The following DNAAF11 variants were observed in gnomAD, a reference collection of about 807,000 sequenced individuals.
DNAAF11 encodes leucine rich repeat containing 6.
DNAAF11 carries 45 observed loss-of-function variants against 60.8 expected under a neutral mutation model. The observed-to-expected ratio is 0.74, with a 90% CI of 0.58 to 0.95. DNAAF11 has a LOEUF of 0.95. Among genes scored for constraint, DNAAF11 ranks in the 40% least tolerant of loss-of-function variants. The probability of loss-of-function intolerance (pLI) is 0.00; values close to 1 mark genes in which losing one functional copy is unlikely to be tolerated. For synonymous variants in DNAAF11, 191 were observed against 183.5 expected (o/e 1.04, Z -0.33); for missense variants, 546 against 546.2 (o/e 1.00, Z 0.00).
intron 4 of DNAAF11, among the ~76,000 whole-genome samples, chr8:132,635,173 T>C (rs1821172566): frequency 6.6e-6 from 1 of 152,164 alleles, no homozygotes; most frequent in Non-Finnish European, 1.5e-5. Flanking sequence ...TGGCCCACAT[T>C]TCCTTCAATC....
chr8:132,591,308 T>C (rs1051832819), intron 10 of DNAAF11, among the ~76,000 whole-genome samples: 33 of 152,166 alleles, frequency 2.2e-4, no homozygotes, highest in African/African-American at 7.9e-4. Flanking sequence ...AACTAGATGG[T>C]TGAAGAAGAG....
chr8:132,582,507 A>G (rs568763452), intron 11 of DNAAF11, among the ~76,000 whole-genome samples: 1 of 152,320 alleles, frequency 6.6e-6, no homozygotes, highest in South Asian at 2.1e-4. Flanking sequence ...CTGGGGGTTA[A>G]TTATGACTGT....
intron 1 of DNAAF11, among the ~76,000 whole-genome samples, chr8:132,673,759 C>T (rs946627967): frequency 6.6e-6 from 1 of 152,116 alleles, no homozygotes; most frequent in Non-Finnish European, 1.5e-5. Flanking sequence ...CTACCCACAC[C>T]CTCAGGGCAC....
At chr8:132,595,966 C>T (rs567712744) in intron 10 of DNAAF11, among the ~76,000 whole-genome samples, 4 of 152,112 alleles carry the variant, frequency 2.6e-5, no homozygotes, top group African/African-American at 9.6e-5. Flanking sequence ...TAGTGGTACC[C>T]GCAAGATGTA....
rs780700603 is a variant in DNAAF11, at chr8:132,675,526, G to A, written c.-33C>T. ...CTCCAGTTCGCTGACCCCGCAAGCC[G>A]GACCCGGACCTCGAATGACGCTTTT... On this transcript the variant is annotated 5_prime_UTR_variant, in exon 1 of 12. Coordinates refer to ENST00000620350, the MANE Select transcript of DNAAF11 (RefSeq NM_012472.6). 5.2e-6 allele frequency: 8 copies of A among 1,551,628 alleles called. No individual in the cohort carries two copies. The East Asian group carries it at 1.5e-4, about 29-fold the overall frequency.
intron 10 of DNAAF11, among the ~76,000 whole-genome samples, chr8:132,595,631 CAA>C (rs1166404736): frequency 3.9e-5 from 6 of 151,916 alleles, no homozygotes; most frequent in Non-Finnish European, 5.9e-5. Flanking sequence ...TGAGCACAGA[CAA>C]AAGACTGAAA....
rs903247364 is a variant in DNAAF11 at position 132,675,524 on chromosome 8, C to G, written c.-31G>C. On this transcript the variant is annotated 5_prime_UTR_variant, in exon 1 of 12. Coordinates refer to ENST00000620350, the MANE Select transcript of DNAAF11 (RefSeq NM_012472.6). ...CTCTCCAGTTCGCTGACCCCGCAAG[C>G]CGGACCCGGACCTCGAATGACGCTT... is the stretch of plus-strand genomic sequence containing the variant. 6 of 1,552,620 alleles carry G rather than the reference C, an allele frequency of 3.9e-6. No homozygotes were observed. Among genetic ancestry groups the G allele is most frequent in the African/African-American group, 1.4e-5 (1 of 72,202 alleles).
intron 3 of DNAAF11, among the ~76,000 whole-genome samples, chr8:132,647,029 G>A (rs1202411913): frequency 2.0e-5 from 3 of 152,128 alleles, no homozygotes; most frequent in African/African-American, 2.4e-5. Context: ...ACCCCAAATC[G>A]ACAGAATATA....
At chr8:132,602,678 T>C (rs1197640550) in intron 10 of DNAAF11, among the ~76,000 whole-genome samples, 1 of 151,772 alleles carries the variant, frequency 6.6e-6, no homozygotes, top group Non-Finnish European at 1.5e-5. Context: ...ACTGGGTTTC[T>C]ACTGAATCCT....
At chr8:132,607,319 T>C (rs1391666953) in intron 10 of DNAAF11, among the ~76,000 whole-genome samples, 1 of 152,216 alleles carries the variant, frequency 6.6e-6, no homozygotes, top group Non-Finnish European at 1.5e-5. Context: ...GGCTGTATAC[T>C]AGGGACCGTG....
At chr8:132,659,998 G>A (rs1463340667) in intron 2 of DNAAF11, among the ~76,000 whole-genome samples, 1 of 152,148 alleles carries the variant, frequency 6.6e-6, no homozygotes, top group Admixed American at 6.5e-5. Context: ...CATCATCACG[G>A]GAAGTTAAAT....
intron 10 of DNAAF11, among the ~76,000 whole-genome samples, chr8:132,607,270 T>C (rs956320919): frequency 3.9e-5 from 6 of 152,208 alleles, no homozygotes; most frequent in Admixed American, 3.9e-4. Context: ...GTTAAAACGG[T>C]AGAGGAAGTA....
At chr8:132,643,554 T>C (rs923615014) in intron 3 of DNAAF11, 1 of 445,130 alleles carries the variant, frequency 2.2e-6, no homozygotes, top group African/African-American at 2.0e-5. Context: ...CCGTATGCCA[T>C]ATTTCATTAT....
chr8:132,679,360 G>A (rs968161381), upstream of DNAAF11, among the ~76,000 whole-genome samples: 1 of 152,190 alleles, frequency 6.6e-6, no homozygotes, highest in Non-Finnish European at 1.5e-5. Flanking sequence ...CAAGAGCTTG[G>A]CTGTCTTTGG....
At chr8:132,577,354 G>A (rs1814855996) in intron 11 of DNAAF11, among the ~76,000 whole-genome samples, 1 of 152,168 alleles carries the variant, frequency 6.6e-6, no homozygotes, top group Non-Finnish European at 1.5e-5. Flanking sequence ...GTTATTTGAG[G>A]TAATAAAACA....
chr8:132,670,973 CA>C (rs1455124937), intron 1 of DNAAF11, among the ~76,000 whole-genome samples: 1 of 151,990 alleles, frequency 6.6e-6, no homozygotes, highest in Non-Finnish European at 1.5e-5. Flanking sequence ...GGAGCATCCA[CA>C]AAACACCTAT....
At chr8:132,689,696 CGT>C in the DNAAF11 span, among the ~76,000 whole-genome samples, 40,662 of 147,742 alleles carry the variant, frequency 0.28, 7,725 homozygotes, top group African/African-American at 0.55. Flanking sequence ...TGTGTATGTA[CGT>C]GTGTGTGTGT....
intron 3 of DNAAF11, among the ~76,000 whole-genome samples, chr8:132,643,847 G>C (rs535618686): frequency 6.6e-6 from 1 of 152,114 alleles, no homozygotes; most frequent in Non-Finnish European, 1.5e-5. Context: ...GGTCTGAGGG[G>C]ATTGACAAGG....
the DNAAF11 span, among the ~76,000 whole-genome samples, chr8:132,693,061 G>A: frequency 6.6e-6 from 1 of 152,224 alleles, no homozygotes; most frequent in Non-Finnish European, 1.5e-5. Context: ...CCATCATGCT[G>A]GTGAGTGAGC....
Sources: gnomAD v4.1 joint callset for allele counts (sites outside exome capture counted in the v4.1 genomes callset) on GRCh38, gnomAD v4.1.1 for gene constraint, MANE v1.5 for transcripts, NCBI Gene and HGNC (gene_info 2026-07-23, HGNC 2026-07-21) for gene names.